The following PLXDC2 variants were observed in gnomAD, a reference collection of about 807,000 sequenced individuals.
PLXDC2 encodes plexin domain containing 2.
In PLXDC2, 40 loss-of-function variants were observed where a neutral mutation model predicts 68.9. The observed-to-expected ratio is 0.58, with a 90% CI of 0.45 to 0.76. The LOEUF (loss-of-function observed/expected upper bound fraction) is 0.76. PLXDC2 is among the 30% of genes least tolerant of loss of function. The pLI is 0.00. For missense variants in PLXDC2, 644 were observed against 661.9 expected (o/e 0.97, Z 0.30); for synonymous variants, 243 against 234.2 (o/e 1.04, Z -0.34).
chr10:20,230,693 C>CAAAAAAAAAAAAA (rs1191613913), intron 12 of PLXDC2, among the ~76,000 whole-genome samples: 1,680 of 37,712 alleles, frequency 0.045, 458 homozygotes, highest in Non-Finnish European at 0.067. Flanking sequence ...GACCTTGTCT[C>CAAAAAAAAAAAAA]AAAAAAAAAA....
At chr10:20,116,853 C>T (rs1833628944) in intron 4 of PLXDC2, among the ~76,000 whole-genome samples, 1 of 151,858 alleles carries the variant, frequency 6.6e-6, no homozygotes. Context: ...TTGCTTATTG[C>T]CTAATTGCAA....
intron 1 of PLXDC2, among the ~76,000 whole-genome samples, chr10:19,903,191 G>C (rs1379088296): frequency 6.6e-6 from 1 of 151,944 alleles, no homozygotes; most frequent in African/African-American, 2.4e-5. Context: ...TGGCTTCATC[G>C]AATGATTTAG....
intron 9 of PLXDC2, among the ~76,000 whole-genome samples, chr10:20,197,119 A>C (rs1022234669): frequency 6.6e-6 from 1 of 152,176 alleles, no homozygotes; most frequent in Non-Finnish European, 1.5e-5. Flanking sequence ...TTAATGGAAT[A>C]GTCACTTTTA....
chr10:19,967,398 A>C (rs1834280717), intron 1 of PLXDC2, among the ~76,000 whole-genome samples: 1 of 152,190 alleles, frequency 6.6e-6, no homozygotes, highest in African/African-American at 2.4e-5. Flanking sequence ...TGAAAAAGAC[A>C]AATCAAAAGA....
chr10:20,033,434 A>G (rs1835532716), intron 2 of PLXDC2, among the ~76,000 whole-genome samples: 1 of 152,176 alleles, frequency 6.6e-6, no homozygotes. Context: ...CAAGTATTAT[A>G]GCATACCCAA....
At chr10:20,197,832 T>C (rs1028787553) in intron 9 of PLXDC2, among the ~76,000 whole-genome samples, 2 of 152,064 alleles carry the variant, frequency 1.3e-5, no homozygotes, top group African/African-American at 2.4e-5. Context: ...AGATCTTTCA[T>C]AAATAAAAAG....
chr10:19,834,818 C>A (rs574412182), intron 1 of PLXDC2, among the ~76,000 whole-genome samples: 1 of 152,132 alleles, frequency 6.6e-6, no homozygotes, highest in Admixed American at 6.5e-5. Flanking sequence ...AAAATACAGC[C>A]TTTGCCAGGT....
Position 20,220,591 on chromosome 10 carries a change from C to G in PLXDC2, c.1312+1489C>G, listed in dbSNP as rs7074695. ...AAAACAAACAAAGGATTCTTGTGAT[C>G]GAATAAGTGTGAGAGACTCTGGAAA... On this transcript the variant is annotated intron_variant, in intron 12 of 13. Coordinates refer to ENST00000377252, the MANE Select transcript of PLXDC2 (RefSeq NM_032812.9). 1.0e-2 allele frequency among the ~76,000 whole-genome samples: 1,516 copies of G among 151,856 alleles called. 23 individuals carry two copies. Among genetic ancestry groups the G allele is most frequent in the African/African-American group, 0.035 (1,444 of 41,398 alleles).
intron 2 of PLXDC2, among the ~76,000 whole-genome samples, chr10:20,020,001 CTT>C (rs1383581177): frequency 6.7e-6 from 1 of 148,446 alleles, no homozygotes; most frequent in Non-Finnish European, 1.5e-5. Flanking sequence ...ACAAAAATCT[CTT>C]TTCTTTTCTT....
chr10:19,880,360 T>C (rs1837705878), intron 1 of PLXDC2, among the ~76,000 whole-genome samples: 1 of 152,248 alleles, frequency 6.6e-6, no homozygotes, highest in Non-Finnish European at 1.5e-5. Context: ...AATTTTTCTG[T>C]ACATACATGC....
chr10:19,958,795 T>C (rs902435535), intron 1 of PLXDC2, among the ~76,000 whole-genome samples: 1 of 151,630 alleles, frequency 6.6e-6, no homozygotes, highest in African/African-American at 2.4e-5. Flanking sequence ...CAAATAAATA[T>C]ATCAGAAAGT....
intron 9 of PLXDC2, among the ~76,000 whole-genome samples, chr10:20,191,682 G>A (rs1191562050): frequency 6.6e-6 from 1 of 151,732 alleles, no homozygotes; most frequent in Non-Finnish European, 1.5e-5. Flanking sequence ...GGGAGGGATA[G>A]CATTAGGAGA....
At chr10:20,253,868 C>G (rs1420345984) in intron 13 of PLXDC2, among the ~76,000 whole-genome samples, 1 of 152,166 alleles carries the variant, frequency 6.6e-6, no homozygotes, top group Non-Finnish European at 1.5e-5. Flanking sequence ...TGTAGCTATA[C>G]AACCCCAGCT....
At chr10:19,917,386 T>C (rs1363666853) in intron 1 of PLXDC2, among the ~76,000 whole-genome samples, 1 of 152,200 alleles carries the variant, frequency 6.6e-6, no homozygotes, top group East Asian at 1.9e-4. Flanking sequence ...TTTTCCATGA[T>C]ACTTCAAATC....
intron 1 of PLXDC2, among the ~76,000 whole-genome samples, chr10:19,842,518 T>C (rs190891887): frequency 7.9e-5 from 12 of 152,312 alleles, no homozygotes; most frequent in Admixed American, 3.9e-4. Context: ...ATTTCTCCCA[T>C]GTATTACCCA....
rs1023616916 is a variant in PLXDC2 at position 20,134,026 on chromosome 10, G to GT, written c.542-9265dup. Among the ~76,000 whole-genome samples, 7 of 152,172 alleles carry GT rather than the reference G, an allele frequency of 4.6e-5. No homozygotes were observed. In the South Asian group the frequency reaches 1.5e-3, roughly 32 times the overall value. ...TATGGAATTTTTCAGTTCAGTTAAT[G>GT]TTTTCTTCAGTTCCAGAATTTCTGT... is the stretch of plus-strand genomic sequence containing the variant. On this transcript the variant is annotated intron_variant, in intron 4 of 13. Transcript: ENST00000377252.
chr10:20,225,632 A>G (rs1055664930), intron 12 of PLXDC2, among the ~76,000 whole-genome samples: 1 of 152,098 alleles, frequency 6.6e-6, no homozygotes, highest in Non-Finnish European at 1.5e-5. Flanking sequence ...GGAATTTAGG[A>G]TTTCTCTCCC....
chr10:20,176,738 A>T (rs1483776209), intron 7 of PLXDC2, among the ~76,000 whole-genome samples: 1 of 152,100 alleles, frequency 6.6e-6, no homozygotes, highest in Non-Finnish European at 1.5e-5. Flanking sequence ...GTATAGTCTG[A>T]GTGAGAATGA....
At chr10:19,915,463 A>G (rs1041068644) in intron 1 of PLXDC2, among the ~76,000 whole-genome samples, 2 of 152,202 alleles carry the variant, frequency 1.3e-5, no homozygotes, top group African/African-American at 4.8e-5. Context: ...TGAGAACTAC[A>G]TTACAATATA....
Sources: allele counts gnomAD v4.1 joint callset (sites outside exome capture counted in the v4.1 genomes callset), GRCh38; gene constraint gnomAD v4.1.1; transcripts MANE v1.5; gene names NCBI Gene and HGNC (gene_info 2026-07-23, HGNC 2026-07-21).